Variants in PEAK1 observed in about 807,000 individuals in gnomAD.
The protein encoded by PEAK1 is inactive tyrosine-protein kinase PEAK1.
In PEAK1, 54 loss-of-function variants were observed where a neutral mutation model predicts 124.7. That is an observed-to-expected ratio of 0.43 (90% CI 0.35 to 0.54). The LOEUF (loss-of-function observed/expected upper bound fraction) is 0.54, where lower values mean the gene tolerates loss of function less well. Among genes scored for constraint, PEAK1 ranks in the 20% least tolerant of loss-of-function variants. PEAK1 has a pLI of 0.01. For missense variants in PEAK1, 2,046 were observed against 2,134.5 expected, an observed-to-expected ratio of 0.96 and a Z score of 0.82; for synonymous variants, 719 against 760.0, an observed-to-expected ratio of 0.95 and a Z score of 0.89.
At position 77,343,713 on chromosome 15, in the gene PEAK1, T is replaced by C. The variant is rs1358751095; in HGVS notation, c.-603+21450A>G. 2.0e-5 allele frequency among the ~76,000 whole-genome samples: 3 copies of C among 152,252 alleles called. No homozygotes were observed. In the East Asian group the frequency reaches 5.8e-4, roughly 29 times the overall value. ...GTTGGCCAGGCTAGTCACAAACTCC[T>C]GACCTCAACTGATCTGCCAGCCTTG... On this transcript the variant is annotated intron_variant, in intron 2 of 9. Coordinates refer to ENST00000682557, the MANE Select transcript of PEAK1 (RefSeq NM_001385026.1).
intron 2 of PEAK1, among the ~76,000 whole-genome samples, chr15:77,362,815 T>A (rs1209480687): frequency 1.3e-5 from 2 of 151,596 alleles, no homozygotes; most frequent in Admixed American, 6.6e-5. Context: ...ATAGATATTG[T>A]GGATGAAAAA....
intron 8 of PEAK1, among the ~76,000 whole-genome samples, chr15:77,153,253 C>G (rs2054817850): frequency 6.6e-6 from 1 of 152,202 alleles, no homozygotes; most frequent in Admixed American, 6.5e-5. Flanking sequence ...TCCATTTCTT[C>G]TAGGTTTTCC....
chr15:77,245,666 T>A (rs924945171), intron 6 of PEAK1, among the ~76,000 whole-genome samples: 2 of 151,888 alleles, frequency 1.3e-5, no homozygotes, highest in African/African-American at 2.4e-5. Context: ...ACCACTGCAC[T>A]CCAGCCTGGC....
At chr15:77,414,806 G>T (rs1433752500) in intron 1 of PEAK1, among the ~76,000 whole-genome samples, 2 of 152,230 alleles carry the variant, frequency 1.3e-5, no homozygotes, top group African/African-American at 4.8e-5. Context: ...TTGCTCTACA[G>T]CTTCACACTG....
At chr15:77,309,646 C>T (rs971483245) in intron 2 of PEAK1, among the ~76,000 whole-genome samples, 2 of 152,054 alleles carry the variant, frequency 1.3e-5, no homozygotes, top group Non-Finnish European at 1.5e-5. Flanking sequence ...TATCCTCTGT[C>T]CCCACCCTTT....
At chr15:77,406,079 G>A (rs2071790940) in intron 1 of PEAK1, among the ~76,000 whole-genome samples, 1 of 152,098 alleles carries the variant, frequency 6.6e-6, no homozygotes, top group South Asian at 2.1e-4. Flanking sequence ...ATTTTTATAG[G>A]TTTTTTGTCT....
At chr15:77,244,284 G>A (rs2060483020) in intron 6 of PEAK1, among the ~76,000 whole-genome samples, 1 of 152,182 alleles carries the variant, frequency 6.6e-6, no homozygotes, top group Admixed American at 6.5e-5. Context: ...TGAGACTGAG[G>A]TAATTATCAC....
chr15:77,180,896 G>A lies in PEAK1; in HGVS notation c.1031C>T (p.Pro344Leu). 1 of 1,613,972 alleles carries A rather than the reference G, an allele frequency of 6.2e-7. No homozygotes were observed. The highest frequency in any genetic ancestry group is 1.6e-4 in the Middle Eastern group (1 of 6,062). Residue 344 changes from proline (P) to leucine (L), a missense_variant, in exon 7 of 10, where the codon CCA becomes CTA. Physicochemically the swap from Pro to Leu is moderately conservative, Grantham distance 98. Transcript: ENST00000682557. ...QSMVSSDSTS[P>L]DSSLTEESRS... is the part of the protein sequence containing the mutation. Reference sequence around the variant, plus strand: ...TGATTCTTCTGTTAAAGAAGAATCTGGTGATGTGGAGTCAGATGACACCAT... The same window carrying A: ...TGATTCTTCTGTTAAAGAAGAATCTAGTGATGTGGAGTCAGATGACACCAT...
chr15:77,136,288 A>G (rs2053317830), intron 8 of PEAK1, among the ~76,000 whole-genome samples: 1 of 152,186 alleles, frequency 6.6e-6, no homozygotes, highest in Non-Finnish European at 1.5e-5. Context: ...TGGCAGAAGA[A>G]TTTTCTAAGC....
At chr15:77,413,787 A>G (rs1305768052) in intron 1 of PEAK1, among the ~76,000 whole-genome samples, 1 of 152,208 alleles carries the variant, frequency 6.6e-6, no homozygotes, top group Admixed American at 6.5e-5. Context: ...GGATGTTAAC[A>G]TTAGAGGAAC....
At chr15:77,264,594 GA>G (rs1412388166) in intron 5 of PEAK1, among the ~76,000 whole-genome samples, 2 of 152,130 alleles carry the variant, frequency 1.3e-5, no homozygotes, top group Non-Finnish European at 2.9e-5. Flanking sequence ...ACTGCTCAAT[GA>G]AATAAAAGAG....
In PEAK1 at chr15:77,252,459, T is replaced by C. The variant is rs1190752044; in HGVS notation, c.-207A>G. ...CTTCCAAATTTCAAGGTGCTTTGGG[T>C]CTTTCCAAGATGAATGTCCTTTCTT... On this transcript the variant is annotated 5_prime_UTR_variant, in exon 6 of 10. Coordinates refer to ENST00000682557, the MANE Select transcript of PEAK1 (RefSeq NM_001385026.1). 17 of 984,916 alleles carry C rather than the reference T, an allele frequency of 1.7e-5. No individual in the cohort carries two copies. The African/African-American group carries it at 2.8e-4, about 16-fold the overall frequency. 61.0% of individuals were successfully genotyped at this position (984,916 alleles called of 1,614,324 possible).
intron 1 of PEAK1, among the ~76,000 whole-genome samples, chr15:77,395,946 A>G (rs1174334150): frequency 2.6e-5 from 4 of 152,348 alleles, no homozygotes; most frequent in Middle Eastern, 3.4e-3. Context: ...TGTGGTGTTT[A>G]AAGTACTCAT....
intron 7 of PEAK1, among the ~76,000 whole-genome samples, chr15:77,173,246 G>T (rs1480332287): frequency 6.6e-6 from 1 of 152,050 alleles, no homozygotes. Flanking sequence ...AAATAGTAAC[G>T]TTGGCATGAT....
chr15:77,149,777 T>A (rs1378169748), intron 8 of PEAK1, among the ~76,000 whole-genome samples: 1 of 151,870 alleles, frequency 6.6e-6, no homozygotes, highest in African/African-American at 2.4e-5. Flanking sequence ...TAAGACAGTG[T>A]CTCCCTTTGT....
chr15:77,387,838 A>C (rs2070084063), intron 1 of PEAK1, among the ~76,000 whole-genome samples: 1 of 152,222 alleles, frequency 6.6e-6, no homozygotes, highest in Non-Finnish European at 1.5e-5. Flanking sequence ...ACTTGGTTAG[A>C]TATAAAGATG....
At chr15:77,408,028 CACAT>C (rs2072021457) in intron 1 of PEAK1, among the ~76,000 whole-genome samples, 1 of 150,936 alleles carries the variant, frequency 6.6e-6, no homozygotes, top group Non-Finnish European at 1.5e-5. Context: ...CATATATACA[CACAT>C]ATATACATAT....
In PEAK1 at chr15:77,181,985, T is replaced by C; in HGVS notation, c.-59A>G. ...CTTTCAGTGCATGACAAAACTTTCATCTGTTAGTTTTCACTTCCCCTATGT... is the reference window on the plus strand; with the variant it reads ...CTTTCAGTGCATGACAAAACTTTCACCTGTTAGTTTTCACTTCCCCTATGT... On this transcript the variant is annotated 5_prime_UTR_variant, in exon 7 of 10. It removes an upstream start codon present in the reference 5' UTR. Transcript: ENST00000682557. The C allele has an allele frequency of 1.3e-6, 2 of 1,506,936 alleles. No individual in the cohort carries two copies. Among genetic ancestry groups the C allele is most frequent in the Non-Finnish European group, 1.8e-6 (2 of 1,132,254 alleles). 93.3% of individuals were successfully genotyped at this position (1,506,936 alleles called of 1,614,324 possible). A position where few individuals can be genotyped will look rare whatever the true frequency, so the allele number is the denominator to read the frequency against.
chr15:77,196,456 A>C (rs1314533928), intron 6 of PEAK1, among the ~76,000 whole-genome samples: 1 of 152,166 alleles, frequency 6.6e-6, no homozygotes, highest in African/African-American at 2.4e-5. Flanking sequence ...CATAATTTCA[A>C]ATGTATTCTA....
Sources: gnomAD v4.1 joint callset for allele counts (sites outside exome capture counted in the v4.1 genomes callset) on GRCh38, gnomAD v4.1.1 for gene constraint, MANE v1.5 for transcripts, NCBI Gene and HGNC (gene_info 2026-07-23, HGNC 2026-07-21) for gene names.